Variants in MIER1 observed in about 807,000 individuals in gnomAD.
The protein encoded by MIER1 is MIER1 transcriptional regulator.
Under a neutral mutation model 75.7 loss-of-function variants are expected in MIER1, and 40 were observed. The ratio of observed to expected loss-of-function variants is 0.53; its 90% CI spans 0.41 to 0.69. The LOEUF is 0.69. MIER1 is among the 30% of genes least tolerant of loss of function. MIER1 has a pLI of 0.00. For missense variants in MIER1, 574 were observed against 680.2 expected (o/e 0.84, Z 1.74); for synonymous variants, 213 against 223.4 (o/e 0.95, Z 0.42).
intron 3 of MIER1, among the ~76,000 whole-genome samples, chr1:66,940,980 A>G (rs1348063767): frequency 6.6e-6 from 1 of 152,236 alleles, no homozygotes; most frequent in Non-Finnish European, 1.5e-5. Flanking sequence ...AACATCTCAC[A>G]TGTATTGAAT....
Position 66,972,228 on chromosome 1 carries a change from T to TAC in MIER1, c.1006+495_1006+496dup, listed in dbSNP as rs1294024685. On this transcript the variant is annotated intron_variant, in intron 10 of 13. Transcript: ENST00000401041. ...ACTAAGAGTACTACATATATATATA[T>TAC]ACACTACATATATATATATATATAT... 1.6e-3 allele frequency among the ~76,000 whole-genome samples: 161 copies of TAC among 102,764 alleles called. 2 individuals are homozygous for TAC. The highest frequency in any genetic ancestry group is 6.2e-3 in the African/African-American group (158 of 25,552). The allele number at this position is 102,764 out of a possible 152,430, so 67.4% of individuals were successfully genotyped here.
intron 1 of MIER1, chr1:66,925,588 G>T (rs1246600474): frequency 1.0e-6 from 1 of 974,540 alleles, no homozygotes; most frequent in Non-Finnish European, 1.2e-6. Context: ...AGGGAGGGAG[G>T]AGAGACTCGA....
intron 4 of MIER1, 127 bp downstream of exon 4, chr1:66,946,422 G>T: frequency 2.2e-6 from 3 of 1,383,340 alleles, no homozygotes; most frequent in Non-Finnish European, 2.8e-6. Flanking sequence ...AAAATTTTGT[G>T]TGATCATAGG....
intron 5 of MIER1, among the ~76,000 whole-genome samples, chr1:66,958,531 T>G (rs1395817163): frequency 6.6e-6 from 1 of 152,084 alleles, no homozygotes; most frequent in Non-Finnish European, 1.5e-5. Context: ...GTGTTTATTT[T>G]TCTTACTTTA....
intron 2 of MIER1, among the ~76,000 whole-genome samples, chr1:66,935,777 G>C (rs1041519590): frequency 6.6e-6 from 1 of 151,968 alleles, no homozygotes; most frequent in African/African-American, 2.4e-5. Flanking sequence ...CCCAGTTTAC[G>C]CCCTGTTCTA....
chr1:66,971,151 CA>C (rs1663518955), intron 9 of MIER1, among the ~76,000 whole-genome samples, 192 bp downstream of exon 9: 1 of 152,020 alleles, frequency 6.6e-6, no homozygotes, highest in Admixed American at 6.6e-5. Flanking sequence ...AAAAACGAAA[CA>C]AAAACCTGTT....
At chr1:66,926,428 T>A (rs1406845931) in intron 2 of MIER1, among the ~76,000 whole-genome samples, 186 bp downstream of exon 2, 1 of 152,210 alleles carries the variant, frequency 6.6e-6, no homozygotes, top group Non-Finnish European at 1.5e-5. Context: ...GTTTGTAATA[T>A]TCTGATAAAA....
rs566119936 is a variant in MIER1, at chr1:66,976,659, A to T, written c.1166A>T (p.Tyr389Phe). ...FYYMWKKSER[Y>F]DFFAQQTRFG... is the part of the protein sequence containing the mutation. Reference sequence around the variant, plus strand: ...TACATGTGGAAAAAATCTGAACGTTATGATTTCTTTGCTCAGCAAACACGA... The same window carrying T: ...TACATGTGGAAAAAATCTGAACGTTTTGATTTCTTTGCTCAGCAAACACGA... The change falls in exon 12 of 14, where the codon TAT (tyrosine) becomes TTT (phenylalanine). Residue 389 changes from tyrosine to phenylalanine, a missense_variant. By Grantham distance (22) the Tyr-to-Phe change is conservative. Coordinates refer to ENST00000401041, the MANE Select transcript of MIER1 (RefSeq NM_001077700.3). 6.2e-7 allele frequency: 1 copy of T among 1,608,330 alleles called. No homozygotes were observed. Among genetic ancestry groups the T allele is most frequent in the South Asian group, 1.1e-5 (1 of 89,774 alleles).
chr1:66,942,858 A>G (rs1656570042), intron 3 of MIER1, among the ~76,000 whole-genome samples: 1 of 152,228 alleles, frequency 6.6e-6, no homozygotes, highest in Admixed American at 6.5e-5. Context: ...GTCTTCATAT[A>G]TAATTGGCTT....
chr1:66,970,485 A>G (rs1663376617), intron 8 of MIER1, among the ~76,000 whole-genome samples: 1 of 152,202 alleles, frequency 6.6e-6, no homozygotes, highest in South Asian at 2.1e-4. Flanking sequence ...ATGAGACAGA[A>G]GGGAAATAAT....
intron 1 of MIER1, 200 bp downstream of exon 1, chr1:66,925,295 A>G (rs1651273424): frequency 1.0e-6 from 1 of 984,990 alleles, no homozygotes; most frequent in Admixed American, 6.1e-5. Flanking sequence ...GCGCATGCGC[A>G]GCTTCCTCCC....
At chr1:66,932,203 C>G (rs1346968645) in intron 2 of MIER1, among the ~76,000 whole-genome samples, 1 of 152,106 alleles carries the variant, frequency 6.6e-6, no homozygotes, top group Non-Finnish European at 1.5e-5. Flanking sequence ...TAATCATTTC[C>G]TAATATTTTC....
intron 2 of MIER1, among the ~76,000 whole-genome samples, chr1:66,929,971 C>G (rs1652686394): frequency 6.6e-6 from 1 of 152,228 alleles, no homozygotes; most frequent in African/African-American, 2.4e-5. Context: ...GATGTGACTC[C>G]TTTGGCACTG....
At chr1:66,950,524 AAAAG>A (rs1398045187) in intron 4 of MIER1, among the ~76,000 whole-genome samples, 1 of 152,204 alleles carries the variant, frequency 6.6e-6, no homozygotes, top group African/African-American at 2.4e-5. Flanking sequence ...TCCATTTGGG[AAAAG>A]AAAGATCAAG....
intron 4 of MIER1, chr1:66,947,527 A>G (rs997443840): frequency 6.6e-6 from 1 of 152,180 alleles, no homozygotes; most frequent in African/African-American, 2.4e-5. Flanking sequence ...TTGTATCCAC[A>G]AGAATATCCC....
At position 66,958,162 on chromosome 1, in the gene MIER1, G is replaced by C; in HGVS notation, c.443G>C (p.Gly148Ala). ...GAAGAGGAAGAAGAGGAAGAAGAAG[G>C]TGAAGATGATGAAGATGCTGATAAT... ...DEEEEEEEEEGEDDEDADNDD... is the reference protein window; with the variant it reads ...DEEEEEEEEEAEDDEDADNDD... The change falls in exon 5 of 14, where the codon GGT becomes GCT. Residue 148 changes from glycine (G) to alanine (A), a missense_variant. Physicochemically the swap from Gly to Ala is moderately conservative, Grantham distance 60. This residue lies in a region of MIER1 where 309 missense variants were observed against 352.8 expected (regional missense o/e 0.88). Coordinates refer to ENST00000401041, the MANE Select transcript of MIER1 (RefSeq NM_001077700.3). The C allele has an allele frequency of 6.2e-7, 1 of 1,602,580 alleles. No individual in the cohort carries two copies. The highest frequency in any genetic ancestry group is 1.1e-5 in the South Asian group (1 of 90,826).
intron 2 of MIER1, among the ~76,000 whole-genome samples, chr1:66,939,291 A>G (rs1204189873): frequency 6.6e-6 from 1 of 152,182 alleles, no homozygotes; most frequent in Non-Finnish European, 1.5e-5. Context: ...GTCAAGCAGT[A>G]ACATTACTAA....
At chr1:66,926,276 G>A (rs767725108) in intron 2 of MIER1, 34 bp downstream of exon 2, 2 of 1,472,948 alleles carry the variant, frequency 1.4e-6, no homozygotes, top group Non-Finnish European at 1.9e-6. Context: ...TTAAGGGAGG[G>A]AAAATCCAAA....
At chr1:66,964,448 C>CTTTTTT (rs71058483) in intron 8 of MIER1, among the ~76,000 whole-genome samples, 3 of 119,800 alleles carry the variant, frequency 2.5e-5, no homozygotes, top group African/African-American at 9.6e-5. Flanking sequence ...TGTATGTTTC[C>CTTTTTT]TTTTTTTTTT....
Sources: allele counts gnomAD v4.1 joint callset (sites outside exome capture counted in the v4.1 genomes callset), GRCh38; gene constraint gnomAD v4.1.1; regional missense constraint gnomAD v4.1.1; transcripts MANE v1.5; gene names NCBI Gene and HGNC (gene_info 2026-07-23, HGNC 2026-07-21).